Variants in MIPOL1 observed in about 807,000 individuals in gnomAD.
MIPOL1 encodes the protein mirror-image polydactyly gene 1 protein.
A neutral mutation model predicts 60.9 loss-of-function variants in MIPOL1; 57 were observed. The ratio of observed to expected loss-of-function variants is 0.94; its 90% CI spans 0.76 to 1.17. The LOEUF is 1.17. MIPOL1 is among the 50% of genes most tolerant of loss of function. The pLI, the probability that MIPOL1 is intolerant of heterozygous loss-of-function variation, is 0.00. For missense variants in MIPOL1, 551 were observed against 511.6 expected (o/e 1.08, Z -0.74); for synonymous variants, 179 against 168.8 (o/e 1.06, Z -0.47).
chr14:37,369,621 G>A lies in MIPOL1; in HGVS notation c.933G>A (p.Leu311=), dbSNP rs376097457. 6 of 1,611,708 alleles carry A rather than the reference G, an allele frequency of 3.7e-6. No individual in the cohort carries two copies. The highest frequency in any genetic ancestry group is 1.3e-5 in the African/African-American group (1 of 74,844). The change falls in exon 10 of 13, where the codon CTG becomes CTA. Residue 311 remains leucine, a synonymous_variant. Coordinates refer to ENST00000684589, the MANE Select transcript of MIPOL1 (RefSeq NM_001388067.1). ...CTGAAAACAATCAAGAACGTGCTCT[G>A]AAGGTAAATCTCCGTTCCTTCTTGC... is the stretch of plus-strand genomic sequence containing the variant. The part of the protein sequence containing the change: ...LTAENNQERA[L]KAKLLSMQQA...
chr14:37,238,034 A>G (rs1971762114), intron 1 of MIPOL1, among the ~76,000 whole-genome samples: 1 of 152,138 alleles, frequency 6.6e-6, no homozygotes, highest in East Asian at 1.9e-4. Flanking sequence ...TAGCGCGATC[A>G]TAGCTCATTG....
intron 9 of MIPOL1, among the ~76,000 whole-genome samples, chr14:37,353,571 C>A (rs1168554590): frequency 6.6e-6 from 1 of 151,890 alleles, no homozygotes; most frequent in Non-Finnish European, 1.5e-5. Flanking sequence ...TTGATTATTG[C>A]CACAATTTCA....
chr14:37,478,657 C>A (rs1182719253), intron 11 of MIPOL1, among the ~76,000 whole-genome samples: 1 of 151,952 alleles, frequency 6.6e-6, no homozygotes, highest in East Asian at 1.9e-4. Flanking sequence ...CAACTATATG[C>A]TATCTACAAG....
chr14:37,384,755 CT>C (rs774181654), intron 10 of MIPOL1, among the ~76,000 whole-genome samples: 17 of 151,832 alleles, frequency 1.1e-4, no homozygotes, highest in Non-Finnish European at 2.4e-4. Flanking sequence ...CTTATATTTA[CT>C]AGTTAGGTTG....
chr14:37,422,894 G>A lies in MIPOL1; in HGVS notation c.976G>A (p.Val326Ile), dbSNP rs751366178. 6.2e-7 allele frequency: 1 copy of A among 1,609,170 alleles called. No homozygotes were observed. Among genetic ancestry groups the A allele is most frequent in the South Asian group, 1.1e-5 (1 of 90,456 alleles). ...LSMQQARETA[V>I]QQYKKLEEEI... ...TATGCAACAAGCCAGAGAAACTGCAGTTCAACAGTACAAAAAACTGGAAGA... is the reference window on the plus strand; with the variant it reads ...TATGCAACAAGCCAGAGAAACTGCAATTCAACAGTACAAAAAACTGGAAGA... The change falls in exon 11 of 13, where the codon GTT becomes ATT. Residue 326 changes from valine (V) to isoleucine (I), a missense_variant. By Grantham distance (29) the Val-to-Ile change is conservative. Coordinates refer to ENST00000684589, the MANE Select transcript of MIPOL1 (RefSeq NM_001388067.1).
chr14:37,522,985 T>A (rs2095424150), intron 12 of MIPOL1, among the ~76,000 whole-genome samples: 2 of 152,078 alleles, frequency 1.3e-5, no homozygotes, highest in South Asian at 4.1e-4. Context: ...TTTCATACAT[T>A]TTCTATATCA....
intron 9 of MIPOL1, among the ~76,000 whole-genome samples, chr14:37,363,676 A>G (rs186358007): frequency 3.3e-5 from 5 of 152,322 alleles, no homozygotes; most frequent in Non-Finnish European, 7.3e-5. Flanking sequence ...GCTATCAGAC[A>G]GGGACATTTA....
chr14:37,330,399 G>T (rs2089564808), intron 9 of MIPOL1, among the ~76,000 whole-genome samples: 1 of 152,046 alleles, frequency 6.6e-6, no homozygotes, highest in Non-Finnish European at 1.5e-5. Flanking sequence ...TAAACACCTG[G>T]AAGCTAGGAA....
intron 1 of MIPOL1, among the ~76,000 whole-genome samples, chr14:37,211,867 AG>A (rs907566569): frequency 2.0e-4 from 30 of 151,812 alleles, no homozygotes; most frequent in African/African-American, 6.8e-4. Context: ...TCTTGCATCG[AG>A]GATATCAGCT....
At chr14:37,403,575 C>A (rs1166184571) in intron 10 of MIPOL1, among the ~76,000 whole-genome samples, 2 of 151,396 alleles carry the variant, frequency 1.3e-5, no homozygotes, top group Admixed American at 6.6e-5. Context: ...TGTGCTTGGC[C>A]TCTGGCTAAT....
intron 10 of MIPOL1, among the ~76,000 whole-genome samples, chr14:37,407,300 C>T (rs2093603975): frequency 6.6e-6 from 1 of 152,074 alleles, no homozygotes; most frequent in Non-Finnish European, 1.5e-5. Context: ...AATTCTGGTT[C>T]TGCCACTGAC....
At chr14:37,279,021 T>C (rs2153401982) in intron 6 of MIPOL1, 1 of 151,662 alleles carries the variant, frequency 6.6e-6, no homozygotes, top group Admixed American at 6.6e-5. Context: ...GATAACCGTG[T>C]TTAAAAATGG....
chr14:37,465,305 G>A (rs1446492291), intron 11 of MIPOL1, among the ~76,000 whole-genome samples: 1 of 152,066 alleles, frequency 6.6e-6, no homozygotes, highest in Non-Finnish European at 1.5e-5. Context: ...CAGGATTTTA[G>A]GAACAATTAC....
intron 11 of MIPOL1, among the ~76,000 whole-genome samples, chr14:37,471,820 T>G (rs1480522146): frequency 3.9e-5 from 6 of 152,186 alleles, no homozygotes. Flanking sequence ...TAATACCTAC[T>G]TTTATCTTTA....
intron 3 of MIPOL1, among the ~76,000 whole-genome samples, chr14:37,257,014 T>C (rs541945030): frequency 4.6e-5 from 7 of 151,916 alleles, no homozygotes; most frequent in Admixed American, 4.6e-4. Flanking sequence ...AGTTTAGCAG[T>C]TACAGTTGAT....
At chr14:37,544,778 T>C (rs1036340770) in intron 12 of MIPOL1, among the ~76,000 whole-genome samples, 10 of 152,234 alleles carry the variant, frequency 6.6e-5, no homozygotes, top group African/African-American at 2.2e-4. Flanking sequence ...TAAATTGAGA[T>C]TGTAGTTGAT....
chr14:37,260,936 A>G (rs1720398363), intron 3 of MIPOL1, among the ~76,000 whole-genome samples: 1 of 152,028 alleles, frequency 6.6e-6, no homozygotes, highest in African/African-American at 2.4e-5. Context: ...ACATAGAAGT[A>G]TGTTATTTAA....
intron 1 of MIPOL1, chr14:37,212,190 T>A (rs2139325181): frequency 6.6e-6 from 1 of 152,254 alleles, no homozygotes; most frequent in South Asian, 2.1e-4. Flanking sequence ...AGAAAAGTAG[T>A]TGGAAAAGTA....
chr14:37,342,326 C>T (rs936838160), intron 9 of MIPOL1, among the ~76,000 whole-genome samples: 4 of 151,700 alleles, frequency 2.6e-5, no homozygotes, highest in African/African-American at 9.7e-5. Flanking sequence ...GTGCCATCGC[C>T]CTCCAGCCTG....
Sources: allele counts gnomAD v4.1 joint callset (sites outside exome capture counted in the v4.1 genomes callset), GRCh38; gene constraint gnomAD v4.1.1; transcripts MANE v1.5; gene names NCBI Gene and HGNC (gene_info 2026-07-23, HGNC 2026-07-21).